The following CCT3 variants were observed in gnomAD, a reference collection of about 807,000 sequenced individuals.
CCT3 encodes the protein chaperonin containing TCP1 subunit 3.
CCT3 carries 10 observed loss-of-function variants against 65.3 expected under a neutral mutation model. The observed-to-expected ratio is 0.15, with a 90% confidence interval of 0.09 to 0.26. The LOEUF is 0.26. CCT3 is among the 10% of genes least tolerant of loss of function. The probability of loss-of-function intolerance (pLI) is 1.00; values close to 1 mark genes in which losing one functional copy is unlikely to be tolerated. For missense variants in CCT3, 626 were observed against 708.7 expected (o/e 0.88, Z 1.33); for synonymous variants, 225 against 242.3 (o/e 0.93, Z 0.66).
chr1:156,309,244 A>T lies in CCT3; in HGVS notation c.1593T>A (p.Asp531Glu). Residue 531 changes from aspartate to glutamate, a missense_variant, in exon 14 of 14, where the codon GAT becomes GAA. By Grantham distance (45) the Asp-to-Glu change is conservative (BLOSUM62 2). Transcript: ENST00000295688. The stretch of plus-strand genomic sequence containing the variant: ...GAGCCCCGCCTTGCCGGCTCTGGTC[A>T]TCGCCTTTCTTTTTGTGGCCTGAAA... The part of the protein sequence containing the change: ...DIVSGHKKKG[D>E]DQSRQGGAPD... The T allele has an allele frequency of 6.2e-7, 1 of 1,614,064 alleles. No homozygotes were observed. The highest frequency in any genetic ancestry group is 8.5e-7 in the Non-Finnish European group (1 of 1,179,978).
intron 1 of CCT3, chr1:156,337,008 T>C: frequency 9.3e-7 from 1 of 1,078,938 alleles, no homozygotes. Context: ...CAGAAGACGG[T>C]AAGGGAGGGG....
chr1:156,327,904 C>T (rs1395701655), intron 5 of CCT3, among the ~76,000 whole-genome samples: 4 of 88,892 alleles, frequency 4.5e-5, no homozygotes, highest in African/African-American at 9.3e-5. Flanking sequence ...CCCACCGCCC[C>T]GTCTGGGATG....
intron 1 of CCT3, among the ~76,000 whole-genome samples, chr1:156,336,488 C>G (rs367792462): frequency 3.7e-4 from 56 of 152,236 alleles, no homozygotes; most frequent in African/African-American, 1.3e-3. Context: ...AGAACACACT[C>G]AACAGTTTGC....
chr1:156,319,237 C>T (rs1003454856), intron 7 of CCT3, among the ~76,000 whole-genome samples: 2 of 151,848 alleles, frequency 1.3e-5, no homozygotes, highest in Admixed American at 6.6e-5. Flanking sequence ...CTCAGACTCC[C>T]AAGTAGCTGG....
chr1:156,310,533 G>T, intron 13 of CCT3, 25 bp downstream of exon 13: 1 of 1,565,362 alleles, frequency 6.4e-7, no homozygotes, highest in Non-Finnish European at 8.7e-7. Flanking sequence ...TTAAAACAGC[G>T]TGTACATATC....
intron 5 of CCT3, among the ~76,000 whole-genome samples, chr1:156,329,932 C>G (rs1017636944): frequency 1.4e-5 from 2 of 147,742 alleles, no homozygotes; most frequent in African/African-American, 5.0e-5. Context: ...GTATGAAACT[C>G]TGTCTCGAAA....
chr1:156,316,750 C>G (rs1218600689), intron 10 of CCT3, among the ~76,000 whole-genome samples: 1 of 152,190 alleles, frequency 6.6e-6, no homozygotes, highest in Non-Finnish European at 1.5e-5. Context: ...TGAATGCAAT[C>G]TAGAATCGCA....
chr1:156,321,143 T>C, intron 6 of CCT3, 118 bp from the exon 7 acceptor site: 1 of 807,754 alleles, frequency 1.2e-6, no homozygotes, highest in South Asian at 1.9e-5. Flanking sequence ...AGGGGATTTG[T>C]TCCTTTGGAG....
Position 156,338,242 on chromosome 1 carries a change from A to T in CCT3, c.-58T>A. ...TGGGGGAACCGGCAGAACCTTCTGG[A>T]GAGAGAGAACCAGACAGAAGCCCAG... On this transcript the variant is annotated 5_prime_UTR_variant, in exon 1 of 14. Coordinates refer to ENST00000295688, the MANE Select transcript of CCT3 (RefSeq NM_005998.5). The T allele has an allele frequency of 1.2e-6, 1 of 815,368 alleles. No individual in the cohort carries two copies. Among genetic ancestry groups the T allele is most frequent in the South Asian group, 2.0e-5 (1 of 49,644 alleles). The allele number at this position is 815,368 out of a possible 1,614,324, so 50.5% of individuals were successfully genotyped here. A position where few individuals can be genotyped will look rare whatever the true frequency, so the allele number is the denominator to read the frequency against.
chr1:156,336,567 C>CT (rs1170859618), intron 1 of CCT3, among the ~76,000 whole-genome samples: 1 of 152,174 alleles, frequency 6.6e-6, no homozygotes, highest in East Asian at 1.9e-4. Flanking sequence ...TTTACCATCA[C>CT]TAAGAACTGA....
intron 5 of CCT3, among the ~76,000 whole-genome samples, chr1:156,328,058 TCTGGCAGGGAGGTGGGGGGGTC>T: frequency 2.3e-4 from 1 of 4,278 alleles, no homozygotes; most frequent in Non-Finnish European, 4.7e-4. Flanking sequence ...AGCCGCCCCA[TCTGGCAGGGAGGTGGGGGGGTC>T]AGCCCCCCGC....
At chr1:156,337,322 C>A in intron 1 of CCT3, 1 of 265,656 alleles carries the variant, frequency 3.8e-6, no homozygotes, top group Non-Finnish European at 7.5e-6. Flanking sequence ...GCAGGAGGAT[C>A]GCTTGAACCT....
chr1:156,331,353 A>T (rs1384538229), intron 5 of CCT3, among the ~76,000 whole-genome samples: 1 of 152,012 alleles, frequency 6.6e-6, no homozygotes, highest in Non-Finnish European at 1.5e-5. Context: ...TTTGATTAAG[A>T]ACTTTATTTT....
At position 156,329,303 on chromosome 1, in the gene CCT3, CTTTTTTTTTTT is replaced by C. The variant is rs765770849; in HGVS notation, c.305-4225_305-4215del. Among the ~76,000 whole-genome samples, 21 of 119,526 alleles carry C rather than the reference CTTTTTTTTTTT, an allele frequency of 1.8e-4. No homozygotes were observed. The South Asian group carries it at 5.5e-3, about 31-fold the overall frequency. 78.4% of individuals were successfully genotyped at this position (119,526 alleles called of 152,430 possible). ...CATTTGTCTCAGAACGTATCCCCAT[CTTTTTTTTTTT>C]TTTTTTTTTTGAGACGGAATCTTGC... On this transcript the variant is annotated intron_variant, in intron 5 of 13. Coordinates refer to ENST00000295688, the MANE Select transcript of CCT3 (RefSeq NM_005998.5).
At chr1:156,330,287 C>T (rs2101668464) in intron 5 of CCT3, among the ~76,000 whole-genome samples, 1 of 152,292 alleles carries the variant, frequency 6.6e-6, no homozygotes, top group Admixed American at 6.5e-5. Context: ...GTTCTGAATC[C>T]TCAAAAGAAC....
chr1:156,310,886 T>C, intron 12 of CCT3, 64 bp downstream of exon 12: 1 of 1,564,706 alleles, frequency 6.4e-7, no homozygotes, highest in Non-Finnish European at 8.7e-7. Flanking sequence ...GATAAGAATC[T>C]TCCCCTCAGG....
chr1:156,312,319 T>A, intron 10 of CCT3, 98 bp from the exon 11 acceptor site: 2 of 1,134,374 alleles, frequency 1.8e-6, no homozygotes, highest in Non-Finnish European at 2.5e-6. Flanking sequence ...AGGGCAAAAG[T>A]GGATTGTTGG....
chr1:156,327,439 C>T (rs1445402783), intron 5 of CCT3, among the ~76,000 whole-genome samples: 3 of 152,000 alleles, frequency 2.0e-5, no homozygotes, highest in Non-Finnish European at 2.9e-5. Context: ...TGCAGGCGCG[C>T]GCCGCCACGC....
Position 156,312,037 on chromosome 1 carries a change from T to C in CCT3, c.1155+4A>G, listed in dbSNP as rs1305763782. ...ATCTGGTCATACATCCAAGGCTGAC[T>C]CACCGAGAGAATCTCTTTGCTAGCC... On this transcript the variant is annotated splice_donor_region_variant and intron_variant, in intron 11 of 13. Coordinates refer to ENST00000295688, the MANE Select transcript of CCT3 (RefSeq NM_005998.5). The C allele has an allele frequency of 2.5e-6, 4 of 1,604,108 alleles. No individual in the cohort carries two copies. Among genetic ancestry groups the C allele is most frequent in the African/African-American group, 1.4e-5 (1 of 73,508 alleles).
Sources: allele counts gnomAD v4.1 joint callset (sites outside exome capture counted in the v4.1 genomes callset), GRCh38; gene constraint gnomAD v4.1.1; transcripts MANE v1.5; gene names NCBI Gene and HGNC (gene_info 2026-07-23, HGNC 2026-07-21).